The following DYNC2I2 variants were observed in gnomAD, a reference collection of about 807,000 sequenced individuals.
DYNC2I2 encodes dynein 2 intermediate chain 2, also known as cytoplasmic dynein 2 intermediate chain 2.
Under a neutral mutation model 52.0 loss-of-function variants are expected in DYNC2I2, and 39 were observed. The observed-to-expected ratio is 0.75, with a 90% confidence interval of 0.58 to 0.98. The LOEUF (loss-of-function observed/expected upper bound fraction) is 0.98, where lower values mean the gene tolerates loss of function less well. DYNC2I2 is among the 50% of genes least tolerant of loss of function. The probability of loss-of-function intolerance (pLI) is 0.00; values close to 1 mark genes in which losing one functional copy is unlikely to be tolerated. For missense variants in DYNC2I2, 743 were observed against 728.4 expected (o/e 1.02, Z -0.23); for synonymous variants, 359 against 321.1 (o/e 1.12, Z -1.26).
chr9:128,634,528 G>C, intron 7 of DYNC2I2, 145 bp from the exon 8 acceptor site: 6 of 1,318,306 alleles, frequency 4.6e-6, no homozygotes, highest in Non-Finnish European at 5.1e-6. Flanking sequence ...TCTCATTAGA[G>C]AAGGGACGAT....
At chr9:128,672,421 T>C in the DYNC2I2 span, among the ~76,000 whole-genome samples, 615 of 151,160 alleles carry the variant, frequency 4.1e-3, 5 homozygotes, top group South Asian at 0.017. Flanking sequence ...CTCAAACTCC[T>C]GACCTCAGGT....
In DYNC2I2 at chr9:128,633,808, A is replaced by T; in HGVS notation, c.1547T>A (p.Phe516Tyr). 2 of 1,613,574 alleles carry T rather than the reference A, an allele frequency of 1.2e-6. No homozygotes were observed. The highest frequency in any genetic ancestry group is 1.7e-6 in the Non-Finnish European group (2 of 1,180,026). ...AGCTTCCCGGGGCCCTTGTTCCGTG[A>T]ACTCTGTGCTCAGCTGCCACACCTT... ...TVKVWQLSTE[F>Y]TEQGPREAED... Residue 516 changes from phenylalanine (F) to tyrosine (Y), a missense_variant, in exon 9 of 9, where the codon TTC (phenylalanine) becomes TAC (tyrosine). Physicochemically the swap from Phe to Tyr is conservative, Grantham distance 22 (BLOSUM62 3). Coordinates refer to ENST00000372715, the MANE Select transcript of DYNC2I2 (RefSeq NM_052844.4).
At chr9:128,683,757 T>G in the DYNC2I2 span, 5 of 651,394 alleles carry the variant, frequency 7.7e-6, no homozygotes, top group South Asian at 1.0e-4. Context: ...TGTGTCCCAC[T>G]GTCATGTAAA....
rs1460313297 is a variant in DYNC2I2, at chr9:128,641,853, TTCTC to T, written c.187-918_187-915del. ...ACCCTCACCTCCACAGGCCACTCAG[TTCTC>T]TCTGCTTGTCTGTGTCCTACTGAAC... On this transcript the variant is annotated intron_variant, in intron 1 of 8. Transcript: ENST00000372715. Among the ~76,000 whole-genome samples the T allele has an allele frequency of 9.2e-5, 14 of 152,102 alleles. No individual in the cohort carries two copies. In the East Asian group the frequency reaches 2.7e-3, roughly 29 times the overall value.
chr9:128,672,212 C>T, the DYNC2I2 span, among the ~76,000 whole-genome samples: 1 of 151,630 alleles, frequency 6.6e-6, no homozygotes, highest in Non-Finnish European at 1.5e-5. Context: ...ACTCGTGATC[C>T]GCCCGTCTCG....
chr9:128,647,215 C>T (rs568348157), intron 1 of DYNC2I2, among the ~76,000 whole-genome samples: 2 of 152,332 alleles, frequency 1.3e-5, no homozygotes, highest in South Asian at 4.1e-4. Flanking sequence ...CTTTGTGCTC[C>T]GGGATACCTA....
At chr9:128,658,096 AAAT>A (rs750252155), upstream of DYNC2I2, among the ~76,000 whole-genome samples, 13 of 152,006 alleles carry the variant, frequency 8.6e-5, no homozygotes, top group South Asian at 2.1e-4. Context: ...CCCTGTCTCA[AAAT>A]AATAATAATA....
At position 128,636,445 on chromosome 9, in the gene DYNC2I2, AG is replaced by A; in HGVS notation, c.546-8del. 1 of 1,599,162 alleles carries A rather than the reference AG, an allele frequency of 6.3e-7. No homozygotes were observed. The highest frequency in any genetic ancestry group is 8.5e-7 in the Non-Finnish European group (1 of 1,176,272). On this transcript the variant is annotated splice_polypyrimidine_tract_variant and splice_region_variant and intron_variant, in intron 3 of 8. Transcript: ENST00000372715. Reference sequence around the variant, plus strand: ...CCAGTCCCCATGGTCCAGCCTGTGCAGGGACAGGCTTGAGCCGGCTGTGCCC... The same window carrying A: ...CCAGTCCCCATGGTCCAGCCTGTGCAGGACAGGCTTGAGCCGGCTGTGCCC...
chr9:128,647,279 A>T (rs1285662352), intron 1 of DYNC2I2, among the ~76,000 whole-genome samples: 1 of 152,184 alleles, frequency 6.6e-6, no homozygotes, highest in Admixed American at 6.6e-5. Flanking sequence ...CCACCATGCC[A>T]GGCAGTGTGT....
At chr9:128,673,150 C>T in the DYNC2I2 span, among the ~76,000 whole-genome samples, 1 of 152,134 alleles carries the variant, frequency 6.6e-6, no homozygotes, top group African/African-American at 2.4e-5. Flanking sequence ...CACAGAGTTG[C>T]TTATAATGAT....
At chr9:128,684,152 G>A in the DYNC2I2 span, 90 of 661,736 alleles carry the variant, frequency 1.4e-4, no homozygotes, top group Middle Eastern at 5.0e-4. Flanking sequence ...TTAAGTTTGC[G>A]TGAAGAACCA....
chr9:128,665,797 G>A, the DYNC2I2 span, among the ~76,000 whole-genome samples: 3 of 146,384 alleles, frequency 2.0e-5, no homozygotes, highest in Non-Finnish European at 4.5e-5. Context: ...AAAAAGTCGG[G>A]CCCAGTGGCT....
upstream of DYNC2I2, among the ~76,000 whole-genome samples, chr9:128,657,904 A>G (rs1472078764): frequency 1.3e-5 from 2 of 152,138 alleles, no homozygotes; most frequent in Non-Finnish European, 2.9e-5. Context: ...TGCCTGGGCA[A>G]CACAGCAAGA....
In DYNC2I2 at chr9:128,636,962, G is replaced by A. The variant is rs1589430146; in HGVS notation, c.501C>T (p.Ile167=). ...AQAQGLHVTS[I]SWNSTGSVVA... is the part of the protein sequence containing the mutation. ...CCACAGAGCCAGTGGAGTTCCAGGA[G>A]ATGCTGGTCACATGCAGACCCTGCG... Residue 167 remains isoleucine, a synonymous_variant, in exon 3 of 9, where the codon ATC becomes ATT. Coordinates refer to ENST00000372715, the MANE Select transcript of DYNC2I2 (RefSeq NM_052844.4). 2.5e-6 allele frequency: 4 copies of A among 1,613,446 alleles called. No individual in the cohort carries two copies. Among genetic ancestry groups the A allele is most frequent in the Non-Finnish European group, 3.4e-6 (4 of 1,180,008 alleles).
Position 128,635,279 on chromosome 9 carries a change from G to A in DYNC2I2, c.814-20C>T. 1 of 1,610,428 alleles carries A rather than the reference G, an allele frequency of 6.2e-7. No homozygotes were observed. Among genetic ancestry groups the A allele is most frequent in the Non-Finnish European group, 8.5e-7 (1 of 1,178,388 alleles). On this transcript the variant is annotated intron_variant, in intron 5 of 8. Transcript: ENST00000372715. ...CACCACCTGAGTTAACAGCATGCAG[G>A]GCCAGGATGGAGACAAGGGACACCT...
chr9:128,645,763 C>G (rs1860605276), intron 1 of DYNC2I2, among the ~76,000 whole-genome samples: 1 of 152,006 alleles, frequency 6.6e-6, no homozygotes, highest in South Asian at 2.1e-4. Context: ...ATGTTGAAAG[C>G]TGAGACAGGC....
At chr9:128,645,451 CAAA>C (rs143538365) in intron 1 of DYNC2I2, among the ~76,000 whole-genome samples, 2 of 123,202 alleles carry the variant, frequency 1.6e-5, no homozygotes, top group African/African-American at 3.0e-5. Context: ...AACTCTGTCT[CAAA>C]AAAAAAAAAA....
intron 1 of DYNC2I2, among the ~76,000 whole-genome samples, chr9:128,643,005 G>A (rs28531075): frequency 0.052 from 7,944 of 152,010 alleles, 262 homozygotes; most frequent in East Asian, 0.13. Context: ...GGGAGATGGC[G>A]TTTGAGCTGA....
intron 3 of DYNC2I2, 74 bp from the exon 4 acceptor site, chr9:128,636,512 C>G: frequency 6.6e-7 from 1 of 1,508,186 alleles, no homozygotes. Flanking sequence ...TCTCTCCCCA[C>G]TAGCCCCGGA....
Sources: gnomAD v4.1 joint callset for allele counts (sites outside exome capture counted in the v4.1 genomes callset) on GRCh38, gnomAD v4.1.1 for gene constraint, MANE v1.5 for transcripts, NCBI Gene and HGNC (gene_info 2026-07-23, HGNC 2026-07-21) for gene names.